The following EXOC6 variants were observed in gnomAD, a reference collection of about 807,000 sequenced individuals.
EXOC6 encodes the protein SEC15-like 1.
In EXOC6, 60 loss-of-function variants were observed where a neutral mutation model predicts 112.5. That is an observed-to-expected ratio of 0.53 (90% CI 0.43 to 0.66). The LOEUF (loss-of-function observed/expected upper bound fraction) is 0.66. Ranked by LOEUF, EXOC6 falls within the 30% of genes least tolerant of loss-of-function variation. The pLI, the probability that EXOC6 is intolerant of heterozygous loss-of-function variation, is 0.00. For missense variants in EXOC6, 855 were observed against 957.1 expected (o/e 0.89, Z 1.41); for synonymous variants, 295 against 308.0 (o/e 0.96, Z 0.44).
At chr10:92,938,458 A>G (rs973698266) in intron 12 of EXOC6, among the ~76,000 whole-genome samples, 9 of 152,152 alleles carry the variant, frequency 5.9e-5, no homozygotes, top group Non-Finnish European at 1.0e-4. Context: ...TAATTAAAGA[A>G]TGTTACATAA....
At position 93,021,480 on chromosome 10, in the gene EXOC6, G is replaced by A. The variant is rs527940459; in HGVS notation, c.2169+7213G>A. 9.2e-5 allele frequency among the ~76,000 whole-genome samples: 14 copies of A among 152,204 alleles called. No homozygotes were observed. In the South Asian group the frequency reaches 2.7e-3, roughly 29 times the overall value. On this transcript the variant is annotated intron_variant, in intron 20 of 21. Coordinates refer to ENST00000260762, the MANE Select transcript of EXOC6 (RefSeq NM_019053.6). ...TTGATGTTTCAGTTAAACTTCCAAGGGTGAGGGAGTTTTCGCTTTATCCCT... is the reference window on the plus strand; with the variant it reads ...TTGATGTTTCAGTTAAACTTCCAAGAGTGAGGGAGTTTTCGCTTTATCCCT...
chr10:93,006,481 T>C (rs1843988642), intron 19 of EXOC6, among the ~76,000 whole-genome samples: 2 of 152,190 alleles, frequency 1.3e-5, no homozygotes, highest in South Asian at 4.1e-4. Context: ...TAGATACTAC[T>C]TTATATAAAA....
intron 20 of EXOC6, among the ~76,000 whole-genome samples, chr10:93,048,010 T>A (rs987432915): frequency 1.3e-5 from 2 of 151,996 alleles, no homozygotes; most frequent in African/African-American, 4.8e-5. Flanking sequence ...AAATCCAGAT[T>A]TTTGGTTTCA....
At chr10:92,880,200 C>T (rs979330909) in intron 1 of EXOC6, among the ~76,000 whole-genome samples, 5 of 152,178 alleles carry the variant, frequency 3.3e-5, no homozygotes, top group African/African-American at 1.2e-4. Context: ...AACCTATGCA[C>T]ATACTCCCAT....
At chr10:92,997,422 T>C (rs1843542744) in intron 18 of EXOC6, 52 bp from the exon 19 acceptor site, 1 of 1,516,996 alleles carries the variant, frequency 6.6e-7, no homozygotes, top group African/African-American at 1.4e-5. Flanking sequence ...CTTTATGATG[T>C]ATTTCTATGT....
intron 17 of EXOC6, among the ~76,000 whole-genome samples, chr10:92,956,600 G>A (rs557209369): frequency 6.6e-6 from 1 of 152,174 alleles, no homozygotes; most frequent in South Asian, 2.1e-4. Flanking sequence ...AGAATTACCT[G>A]CTTGGCCCCC....
intron 18 of EXOC6, among the ~76,000 whole-genome samples, chr10:92,982,920 A>G (rs1403919723): frequency 1.3e-5 from 2 of 152,148 alleles, no homozygotes; most frequent in Admixed American, 1.3e-4. Flanking sequence ...TCCATTAATG[A>G]TTTTAGAACA....
intron 5 of EXOC6, among the ~76,000 whole-genome samples, chr10:92,907,069 T>C (rs4933751): frequency 0.29 from 44,623 of 151,990 alleles, 7,355 homozygotes; most frequent in East Asian, 0.73. Context: ...AATGATAAAC[T>C]TTCTATATAT....
At chr10:92,996,527 G>A (rs1482761221) in intron 18 of EXOC6, among the ~76,000 whole-genome samples, 4 of 151,342 alleles carry the variant, frequency 2.6e-5, no homozygotes, top group Non-Finnish European at 5.9e-5. Context: ...TGAGGCAGGA[G>A]AATGGTGTGA....
At chr10:92,856,948 T>C (rs1847630369) in intron 1 of EXOC6, among the ~76,000 whole-genome samples, 1 of 152,200 alleles carries the variant, frequency 6.6e-6, no homozygotes, top group South Asian at 2.1e-4. Flanking sequence ...AGCTTTCTTA[T>C]AGTTGCTCTT....
upstream of EXOC6, among the ~76,000 whole-genome samples, chr10:92,843,575 C>T (rs1564764516): frequency 6.6e-6 from 1 of 152,170 alleles, no homozygotes; most frequent in South Asian, 2.1e-4. Flanking sequence ...TTTGGCCGGG[C>T]GCGGTGGCTC....
intron 19 of EXOC6, among the ~76,000 whole-genome samples, chr10:93,012,009 A>C (rs1370772239): frequency 6.6e-6 from 1 of 152,220 alleles, no homozygotes; most frequent in African/African-American, 2.4e-5. Flanking sequence ...GAATTTAGTC[A>C]CTTATCTAAT....
chr10:92,958,268 A>G (rs1056019175), intron 17 of EXOC6, among the ~76,000 whole-genome samples: 2 of 152,182 alleles, frequency 1.3e-5, no homozygotes, highest in African/African-American at 4.8e-5. Flanking sequence ...AATTTGCATC[A>G]GTATAGAAGA....
At chr10:93,020,818 C>T (rs1272312472) in intron 20 of EXOC6, among the ~76,000 whole-genome samples, 3 of 151,958 alleles carry the variant, frequency 2.0e-5, no homozygotes, top group Non-Finnish European at 2.9e-5. Context: ...ACATGCTGAA[C>T]GGAAGAAGCA....
intron 4 of EXOC6, among the ~76,000 whole-genome samples, chr10:92,896,179 A>G (rs1467443796): frequency 7.6e-5 from 1 of 13,072 alleles, no homozygotes; most frequent in Non-Finnish European, 1.1e-4. Flanking sequence ...ATATATATAT[A>G]TATTTTTTTT....
chr10:92,868,847 C>T (rs1303925430), intron 1 of EXOC6, among the ~76,000 whole-genome samples: 1 of 127,712 alleles, frequency 7.8e-6, no homozygotes, highest in Non-Finnish European at 1.6e-5. Context: ...CAGGTTCTTG[C>T]TAGAGACCAG....
At chr10:92,899,328 G>C (rs1411579729) in intron 4 of EXOC6, among the ~76,000 whole-genome samples, 1 of 152,030 alleles carries the variant, frequency 6.6e-6, no homozygotes, top group Non-Finnish European at 1.5e-5. Context: ...GTTATACGTG[G>C]TTAGCATATA....
Position 92,934,416 on chromosome 10 carries a change from C to T in EXOC6, c.1126C>T (p.Leu376Phe), listed in dbSNP as rs1852235190. Residue 376 changes from leucine (L) to phenylalanine (F), a missense_variant, in exon 11 of 22, where the codon CTT becomes TTT. Transcript: ENST00000260762. ...GGCCCTCTCAAAGATAATTGCTGTC[C>T]TTAGAGCTCATTCAGTAAGTCAGAC... Reference protein sequence around the residue: ...NMALSKIIAVLRAHSSYCTDP... With the variant: ...NMALSKIIAVFRAHSSYCTDP... 4 of 1,576,914 alleles carry T rather than the reference C, an allele frequency of 2.5e-6. No homozygotes were observed. Among genetic ancestry groups the T allele is most frequent in the Non-Finnish European group, 3.4e-6 (4 of 1,165,834 alleles).
intron 1 of EXOC6, among the ~76,000 whole-genome samples, chr10:92,874,064 A>G (rs2133736835): frequency 6.6e-6 from 1 of 152,030 alleles, no homozygotes; most frequent in South Asian, 2.1e-4. Context: ...GAAAAAAAAA[A>G]AAAGAAAGAA....
Sources: allele counts gnomAD v4.1 joint callset (sites outside exome capture counted in the v4.1 genomes callset), GRCh38; gene constraint gnomAD v4.1.1; transcripts MANE v1.5; gene names NCBI Gene and HGNC (gene_info 2026-07-23, HGNC 2026-07-21).